The following CAMK2D variants were observed in gnomAD, a reference collection of about 807,000 sequenced individuals.
The protein encoded by CAMK2D is calcium/calmodulin-dependent protein kinase type II subunit delta.
CAMK2D carries 37 observed loss-of-function variants against 84.0 expected under a neutral mutation model. The observed-to-expected ratio is 0.44, with a 90% CI of 0.34 to 0.58. The LOEUF (loss-of-function observed/expected upper bound fraction) is 0.58. CAMK2D is among the 20% of genes least tolerant of loss of function. The pLI, the probability that CAMK2D is intolerant of heterozygous loss-of-function variation, is 0.02. For synonymous variants in CAMK2D, 202 were observed against 212.5 expected (o/e 0.95, Z 0.43); for missense variants, 448 against 652.5 (o/e 0.69, Z 3.41).
At chr4:113,632,015 T>C (rs1205564178) in intron 3 of CAMK2D, among the ~76,000 whole-genome samples, 1 of 152,190 alleles carries the variant, frequency 6.6e-6, no homozygotes, top group African/African-American at 2.4e-5. Flanking sequence ...GGGAAAATGA[T>C]AGGCATATGT....
At chr4:113,515,350 G>T (rs554383916) in intron 9 of CAMK2D, among the ~76,000 whole-genome samples, 159 bp from the exon 10 acceptor site, 1 of 152,142 alleles carries the variant, frequency 6.6e-6, no homozygotes, top group African/African-American at 2.4e-5. Context: ...AAACCATTTA[G>T]ATCTATTCTC....
chr4:113,462,704 A>G (rs1473388105), intron 17 of CAMK2D, among the ~76,000 whole-genome samples: 2 of 152,194 alleles, frequency 1.3e-5, no homozygotes, highest in African/African-American at 4.8e-5. Context: ...TGCTCCCTAT[A>G]TAACAGTAGT....
chr4:113,624,853 A>C (rs1277152528), intron 3 of CAMK2D, among the ~76,000 whole-genome samples: 1 of 152,224 alleles, frequency 6.6e-6, no homozygotes, highest in Non-Finnish European at 1.5e-5. Flanking sequence ...GTAACCTATA[A>C]TCAACAAATA....
intron 4 of CAMK2D, among the ~76,000 whole-genome samples, chr4:113,575,312 C>T (rs1304911707): frequency 6.6e-6 from 1 of 152,162 alleles, no homozygotes; most frequent in Non-Finnish European, 1.5e-5. Flanking sequence ...AGAAACACCT[C>T]ATTCACTTGG....
intron 2 of CAMK2D, among the ~76,000 whole-genome samples, chr4:113,700,237 A>G (rs1402199710): frequency 6.6e-6 from 1 of 152,216 alleles, no homozygotes; most frequent in Non-Finnish European, 1.5e-5. Flanking sequence ...TAAGCTCATA[A>G]TTGTATATTG....
At chr4:113,700,059 G>A (rs552165740) in intron 2 of CAMK2D, among the ~76,000 whole-genome samples, 6 of 152,028 alleles carry the variant, frequency 3.9e-5, no homozygotes, top group Admixed American at 3.9e-4. Context: ...CTGTGGAAAC[G>A]CAAGTATGTA....
intron 4 of CAMK2D, among the ~76,000 whole-genome samples, chr4:113,567,940 T>G (rs1188379558): frequency 3.9e-5 from 6 of 152,182 alleles, no homozygotes; most frequent in Non-Finnish European, 8.8e-5. Context: ...TAGACATCAT[T>G]TTACCAGGTA....
intron 2 of CAMK2D, among the ~76,000 whole-genome samples, chr4:113,670,900 C>G (rs2099278814): frequency 6.6e-6 from 1 of 152,024 alleles, no homozygotes; most frequent in Admixed American, 6.6e-5. Flanking sequence ...TGCACTCCAG[C>G]CTGGGCAACA....
chr4:113,476,679 C>T (rs1202724756), intron 16 of CAMK2D, among the ~76,000 whole-genome samples: 1 of 152,100 alleles, frequency 6.6e-6, no homozygotes, highest in Non-Finnish European at 1.5e-5. Context: ...AGCTATTGTT[C>T]CCTAGTTTGC....
intron 2 of CAMK2D, among the ~76,000 whole-genome samples, chr4:113,672,491 G>A (rs2099293067): frequency 6.6e-6 from 1 of 152,100 alleles, no homozygotes; most frequent in South Asian, 2.1e-4. Flanking sequence ...ACTGCTAGCT[G>A]TTTTGGAAGA....
intron 3 of CAMK2D, among the ~76,000 whole-genome samples, chr4:113,622,846 C>T (rs973224308): frequency 6.6e-6 from 1 of 152,196 alleles, no homozygotes; most frequent in East Asian, 1.9e-4. Flanking sequence ...TGATGAAACA[C>T]TGTTTAACTG....
chr4:113,691,751 AAAAAAT>A (rs528809400), intron 2 of CAMK2D, among the ~76,000 whole-genome samples: 1,690 of 152,110 alleles, frequency 0.011, 34 homozygotes, highest in African/African-American at 0.038. Context: ...ACTCCATCTC[AAAAAAT>A]AAAAATAAAA....
intron 16 of CAMK2D, among the ~76,000 whole-genome samples, chr4:113,468,612 T>C (rs751541926): frequency 4.6e-5 from 7 of 152,128 alleles, no homozygotes; most frequent in Non-Finnish European, 1.0e-4. Flanking sequence ...GGTTTGGTGT[T>C]AGCTAGCTCT....
At chr4:113,708,357 A>G (rs888871729) in intron 2 of CAMK2D, among the ~76,000 whole-genome samples, 2 of 152,224 alleles carry the variant, frequency 1.3e-5, no homozygotes, top group African/African-American at 2.4e-5. Context: ...TTCAGAAGCA[A>G]ACAATTCTAT....
intron 3 of CAMK2D, among the ~76,000 whole-genome samples, chr4:113,633,335 G>A (rs1050441386): frequency 1.3e-5 from 2 of 152,070 alleles, no homozygotes; most frequent in Admixed American, 6.6e-5. Flanking sequence ...CAATTCCTTG[G>A]TTTTCTTCAA....
chr4:113,702,835 G>A (rs1419458406), intron 2 of CAMK2D, among the ~76,000 whole-genome samples: 2 of 152,134 alleles, frequency 1.3e-5, no homozygotes, highest in African/African-American at 4.8e-5. Flanking sequence ...GGAGGCAGAG[G>A]CTACAGTGAG....
intron 4 of CAMK2D, among the ~76,000 whole-genome samples, chr4:113,581,513 TAAAA>T (rs777730996): frequency 1.2e-4 from 4 of 34,324 alleles, no homozygotes; most frequent in Admixed American, 3.3e-4. Flanking sequence ...AACTTTCTCA[TAAAA>T]AAAAAAAAAA....
intron 2 of CAMK2D, among the ~76,000 whole-genome samples, chr4:113,735,468 G>A (rs991236181): frequency 4.1e-5 from 3 of 72,676 alleles, no homozygotes; most frequent in African/African-American, 4.8e-4. Flanking sequence ...GAGTGAGACC[G>A]TCTCAAAAAA....
chr4:113,581,340 C>G (rs779120494), intron 4 of CAMK2D, among the ~76,000 whole-genome samples: 1 of 151,784 alleles, frequency 6.6e-6, no homozygotes, highest in Non-Finnish European at 1.5e-5. Flanking sequence ...ATGGAGAAAG[C>G]GTGTCTCTAC....
Sources: gnomAD v4.1 joint callset for allele counts (sites outside exome capture counted in the v4.1 genomes callset) on GRCh38, gnomAD v4.1.1 for gene constraint, MANE v1.5 for transcripts, NCBI Gene and HGNC (gene_info 2026-07-23, HGNC 2026-07-21) for gene names.